Variants in TNIK observed in about 807,000 individuals in gnomAD.
TNIK encodes TRAF2 and NCK-interacting protein kinase.
A neutral mutation model predicts 191.3 loss-of-function variants in TNIK; 49 were observed. That is an observed-to-expected ratio of 0.26 (90% CI 0.20 to 0.32). The LOEUF (loss-of-function observed/expected upper bound fraction) is 0.32, where lower values mean the gene tolerates loss of function less well. Ranked by LOEUF, TNIK falls within the 10% of genes least tolerant of loss-of-function variation. The pLI, the probability that TNIK is intolerant of heterozygous loss-of-function variation, is 1.00. For synonymous variants in TNIK, 594 were observed against 600.9 expected, an observed-to-expected ratio of 0.99 and a Z score of 0.17; for missense variants, 1,155 against 1,702.3, an observed-to-expected ratio of 0.68 and a Z score of 5.66.
chr3:171,209,064 G>GGGGTGTGTGTGTGT (rs141041586), intron 4 of TNIK, among the ~76,000 whole-genome samples: 33 of 142,014 alleles, frequency 2.3e-4, no homozygotes, highest in Non-Finnish European at 4.4e-4. Flanking sequence ...CTTTGGAAGG[G>GGGGTGTGTGTGTGT]GTGTGTGTGT....
chr3:171,195,124 G>C (rs146924608), intron 4 of TNIK, among the ~76,000 whole-genome samples: 33 of 152,248 alleles, frequency 2.2e-4, no homozygotes, highest in African/African-American at 7.5e-4. Flanking sequence ...TAACTTCAGC[G>C]AATGTTCCCA....
intron 23 of TNIK, among the ~76,000 whole-genome samples, chr3:171,093,524 T>G (rs768467656): frequency 1.3e-5 from 2 of 152,258 alleles, no homozygotes; most frequent in Non-Finnish European, 2.9e-5. Flanking sequence ...CATTCATTTC[T>G]GTTTTCCTGT....
intron 7 of TNIK, among the ~76,000 whole-genome samples, chr3:171,179,132 T>C (rs1736329968): frequency 6.6e-6 from 1 of 152,188 alleles, no homozygotes; most frequent in Non-Finnish European, 1.5e-5. Context: ...TCAGTTCAAC[T>C]GGGAATAGCA....
chr3:171,084,062 T>G, intron 26 of TNIK, 93 bp downstream of exon 26: 1 of 1,407,334 alleles, frequency 7.1e-7, no homozygotes, highest in Non-Finnish European at 9.3e-7. Flanking sequence ...CAGTGTTCTT[T>G]TGATGACAAG....
chr3:171,305,019 A>G (rs1187508307), intron 2 of TNIK, among the ~76,000 whole-genome samples: 2 of 150,722 alleles, frequency 1.3e-5, no homozygotes, highest in Non-Finnish European at 2.9e-5. Flanking sequence ...TAAAAAAAAA[A>G]AAAAAAGAAA....
At chr3:171,132,681 T>G (rs1330573175) in intron 15 of TNIK, among the ~76,000 whole-genome samples, 3 of 152,214 alleles carry the variant, frequency 2.0e-5, no homozygotes, top group Admixed American at 6.5e-5. Flanking sequence ...GTGTCTCACT[T>G]TACAATAATG....
At chr3:171,400,456 A>G (rs1720783812) in intron 1 of TNIK, among the ~76,000 whole-genome samples, 1 of 151,960 alleles carries the variant, frequency 6.6e-6, no homozygotes, top group African/African-American at 2.4e-5. Flanking sequence ...GTAGTCCCAG[A>G]TACTTGGGAG....
At chr3:171,336,969 C>T (rs1757018824) in intron 2 of TNIK, among the ~76,000 whole-genome samples, 1 of 152,146 alleles carries the variant, frequency 6.6e-6, no homozygotes, top group Admixed American at 6.5e-5. Flanking sequence ...AGCTCCTTTC[C>T]CTGTGGAAGC....
chr3:171,375,141 A>G (rs1354645948), intron 1 of TNIK, among the ~76,000 whole-genome samples: 2 of 152,180 alleles, frequency 1.3e-5, no homozygotes, highest in African/African-American at 2.4e-5. Context: ...TGTGGACAGG[A>G]TTACCTCCCT....
intron 1 of TNIK, among the ~76,000 whole-genome samples, chr3:171,431,947 G>A (rs1725438156): frequency 6.6e-6 from 1 of 152,302 alleles, no homozygotes; most frequent in Non-Finnish European, 1.5e-5. Context: ...GTGACACTGG[G>A]AAATGATTGA....
At chr3:171,411,508 T>A (rs1470315862) in intron 1 of TNIK, among the ~76,000 whole-genome samples, 1 of 152,080 alleles carries the variant, frequency 6.6e-6, no homozygotes. Flanking sequence ...AAAAAAAAGC[T>A]ATTAATATTT....
At chr3:171,099,531 G>A (rs1224797220) in intron 22 of TNIK, among the ~76,000 whole-genome samples, 5 of 152,102 alleles carry the variant, frequency 3.3e-5, no homozygotes, top group Non-Finnish European at 7.4e-5. Flanking sequence ...CGTGTTAAGA[G>A]CAAGAGAGAT....
At chr3:171,302,836 T>C (rs548993003) in intron 2 of TNIK, among the ~76,000 whole-genome samples, 1 of 152,304 alleles carries the variant, frequency 6.6e-6, no homozygotes, top group Non-Finnish European at 1.5e-5. Flanking sequence ...GCAGGAAATA[T>C]AGAGCTATTT....
At chr3:171,117,430 C>T (rs556479727) in intron 18 of TNIK, among the ~76,000 whole-genome samples, 2 of 152,024 alleles carry the variant, frequency 1.3e-5, no homozygotes, top group South Asian at 4.1e-4. Context: ...TCAATTTCTC[C>T]TTCTGTAAAA....
chr3:171,091,958 T>C (rs2173611), intron 23 of TNIK, among the ~76,000 whole-genome samples: 12,172 of 120,188 alleles, frequency 0.1, 567 homozygotes, highest in Middle Eastern at 0.13. Flanking sequence ...TTCTTTCTTT[T>C]TTTTTTTTTA....
intron 2 of TNIK, among the ~76,000 whole-genome samples, chr3:171,292,547 C>T (rs569251370): frequency 2.0e-5 from 3 of 152,198 alleles, no homozygotes; most frequent in South Asian, 2.1e-4. Context: ...GAGGCCCAGG[C>T]GGGCGGAACA....
chr3:171,270,326 T>C (rs1201517359), intron 2 of TNIK, among the ~76,000 whole-genome samples: 1 of 152,118 alleles, frequency 6.6e-6, no homozygotes, highest in Non-Finnish European at 1.5e-5. Flanking sequence ...ATTGGACCAC[T>C]TAGGAAAAGG....
intron 1 of TNIK, among the ~76,000 whole-genome samples, chr3:171,378,134 C>T (rs1221252248): frequency 6.6e-6 from 1 of 152,100 alleles, no homozygotes; most frequent in Non-Finnish European, 1.5e-5. Flanking sequence ...GCCAGAAGCC[C>T]CAGAGAGGGA....
intron 1 of TNIK, among the ~76,000 whole-genome samples, chr3:171,453,666 G>A (rs1250297960): frequency 6.6e-6 from 1 of 152,180 alleles, no homozygotes; most frequent in African/African-American, 2.4e-5. Flanking sequence ...GAAGAAGGCT[G>A]GTGGTAGAGA....
Sources: gnomAD v4.1 joint callset for allele counts (sites outside exome capture counted in the v4.1 genomes callset) on GRCh38, gnomAD v4.1.1 for gene constraint, MANE v1.5 for transcripts, NCBI Gene and HGNC (gene_info 2026-07-23, HGNC 2026-07-21) for gene names.